The following YWHAB variants were observed in gnomAD, a reference collection of about 807,000 sequenced individuals.
The protein encoded by YWHAB is tyrosine 3-monooxygenase/tryptophan 5-monooxygenase activation protein beta.
YWHAB carries 2 observed loss-of-function variants against 28.5 expected under a neutral mutation model. That is an observed-to-expected ratio of 0.07 (90% confidence interval 0.03 to 0.22). The LOEUF is 0.22. Ranked by LOEUF, YWHAB falls within the 10% of genes least tolerant of loss-of-function variation. YWHAB has a pLI of 1.00. For missense variants in YWHAB, 148 were observed against 297.1 expected (o/e 0.50, Z 3.69); for synonymous variants, 103 against 104.7 (o/e 0.98, Z 0.10).
In YWHAB at chr20:44,901,746, A is replaced by G. The variant is rs1767637182; in HGVS notation, c.213A>G (p.Thr71=). Reference sequence around the variant, plus strand: ...TCATCTCCAGCATTGAGCAGAAAACAGAGAGGAATGAGAAGAAGCAGCAGA... The same window carrying G: ...TCATCTCCAGCATTGAGCAGAAAACGGAGAGGAATGAGAAGAAGCAGCAGA... ...WRVISSIEQK[T]ERNEKKQQMG... The change falls in exon 2 of 6, where the codon ACA becomes ACG. Residue 71 remains threonine (T), a synonymous_variant. Coordinates refer to ENST00000353703, the MANE Select transcript of YWHAB (RefSeq NM_139323.4). 1 of 1,613,956 alleles carries G rather than the reference A, an allele frequency of 6.2e-7. No individual in the cohort carries two copies. Among genetic ancestry groups the G allele is most frequent in the South Asian group, 1.1e-5 (1 of 91,082 alleles).
chr20:44,906,161 A>G (rs2066654849), intron 5 of YWHAB, 65 bp downstream of exon 5: 2 of 1,353,130 alleles, frequency 1.5e-6, no homozygotes, highest in African/African-American at 1.5e-5. Context: ...ATTCACTGTT[A>G]TCTTCAAGAG....
Position 44,906,594 on chromosome 20 carries a change from C to A in YWHAB, c.*156C>A, listed in dbSNP as rs1380132221. The A allele has an allele frequency of 2.8e-5, 15 of 542,418 alleles. No homozygotes were observed. The highest frequency in any genetic ancestry group is 3.4e-5 in the Non-Finnish European group (11 of 326,330). 33.6% of individuals were successfully genotyped at this position (542,418 alleles called of 1,614,324 possible). A position where few individuals can be genotyped will look rare whatever the true frequency, so the allele number is the denominator to read the frequency against. ...TAGGAAAAATGGTTCATGGGATAAACAGCTGGTATTTGTATCTAAAACTCA... is the reference window on the plus strand; with the variant it reads ...TAGGAAAAATGGTTCATGGGATAAAAAGCTGGTATTTGTATCTAAAACTCA... On this transcript the variant is annotated 3_prime_UTR_variant, in exon 6 of 6. Transcript: ENST00000353703.
In YWHAB at chr20:44,906,513, AAAAAAAAAAAAAAAG is replaced by A; in HGVS notation, c.*77_*91del. 2 of 1,168,402 alleles carry A rather than the reference AAAAAAAAAAAAAAAG, an allele frequency of 1.7e-6. No homozygotes were observed. Among genetic ancestry groups the A allele is most frequent in the Non-Finnish European group, 2.4e-6 (2 of 848,398 alleles). The allele number at this position is 1,168,402 out of a possible 1,614,324, so 72.4% of individuals were successfully genotyped here. A position where few individuals can be genotyped will look rare whatever the true frequency, so the allele number is the denominator to read the frequency against. On this transcript the variant is annotated 3_prime_UTR_variant, in exon 6 of 6. Coordinates refer to ENST00000353703, the MANE Select transcript of YWHAB (RefSeq NM_139323.4). ...TATATCCCTTGTGCGATAAAAAAAAAAAAAAAAAAAAAAAGAGAATCGTACGTCGACTTTCGATTT... is the reference window on the plus strand; with the variant it reads ...TATATCCCTTGTGCGATAAAAAAAAAAGAATCGTACGTCGACTTTCGATTT...
rs965708425 is a variant in YWHAB at position 44,906,574 on chromosome 20, A to T, written c.*136A>T. On this transcript the variant is annotated 3_prime_UTR_variant, in exon 6 of 6. Transcript: ENST00000353703. ...GATTTTTCACAGCCTCAGCCTAGGA[A>T]AAATGGTTCATGGGATAAACAGCTG... 7.0e-6 allele frequency: 5 copies of T among 712,422 alleles called. No individual in the cohort carries two copies. In the African/African-American group the frequency reaches 8.8e-5, roughly 13 times the overall value. The allele number at this position is 712,422 out of a possible 1,614,324, so 44.1% of individuals were successfully genotyped here.
chr20:44,905,225 T>TG (rs1328206265), intron 4 of YWHAB, 94 bp downstream of exon 4: 47 of 1,357,750 alleles, frequency 3.5e-5, no homozygotes, highest in Non-Finnish European at 4.5e-5. Context: ...TGTCTTGGAC[T>TG]TTTTTTGAAA....
At chr20:44,898,076 T>C (rs891036507) in intron 1 of YWHAB, among the ~76,000 whole-genome samples, 3 of 152,238 alleles carry the variant, frequency 2.0e-5, no homozygotes, top group South Asian at 4.1e-4. Flanking sequence ...TTTCTACTTA[T>C]CTTTCATTGG....
intron 1 of YWHAB, among the ~76,000 whole-genome samples, chr20:44,898,029 G>A (rs185769413): frequency 2.0e-5 from 3 of 152,268 alleles, no homozygotes; most frequent in East Asian, 1.9e-4. Flanking sequence ...GGAGGCACAC[G>A]TAGGATATTC....
chr20:44,903,876 G>T, intron 2 of YWHAB, 117 bp from the exon 3 acceptor site: 2 of 1,175,594 alleles, frequency 1.7e-6, no homozygotes, highest in Non-Finnish European at 2.4e-6. Flanking sequence ...TGAAAAATTG[G>T]TGTTTTTTTA....
At position 44,902,236 on chromosome 20, in the gene YWHAB, C is replaced by T. The variant is rs117804238; in HGVS notation, c.300+403C>T. The T allele has an allele frequency of 1.1e-4, 18 of 160,654 alleles. No individual in the cohort carries two copies. In the East Asian group the frequency reaches 3.1e-3, roughly 27 times the overall value. The allele number at this position is 160,654 out of a possible 1,614,324, so 10.0% of individuals were successfully genotyped here. A position where few individuals can be genotyped will look rare whatever the true frequency, so the allele number is the denominator to read the frequency against. ...AAAAAGCTGAGCTGCCTTTCAGCCT[C>T]TCCCCAGTCATGCCTTCACACTGTA... is the stretch of plus-strand genomic sequence containing the variant. On this transcript the variant is annotated intron_variant, in intron 2 of 5. Coordinates refer to ENST00000353703, the MANE Select transcript of YWHAB (RefSeq NM_139323.4).
At chr20:44,899,702 C>T (rs2066615844) in intron 1 of YWHAB, among the ~76,000 whole-genome samples, 1 of 152,208 alleles carries the variant, frequency 6.6e-6, no homozygotes. Flanking sequence ...TTACCGCACT[C>T]TGTAAATGGT....
At chr20:44,892,776 T>A (rs145284800) in intron 1 of YWHAB, among the ~76,000 whole-genome samples, 1 of 152,244 alleles carries the variant, frequency 6.6e-6, no homozygotes, top group Non-Finnish European at 1.5e-5. Context: ...TAAGTTATAA[T>A]GTGGAAATGT....
chr20:44,895,147 C>T (rs1184729053), intron 1 of YWHAB, among the ~76,000 whole-genome samples: 1 of 152,098 alleles, frequency 6.6e-6, no homozygotes, highest in Non-Finnish European at 1.5e-5. Context: ...CTAGGGCAGT[C>T]AGGGAAGGGT....
chr20:44,893,871 A>G (rs1245526371), intron 1 of YWHAB, among the ~76,000 whole-genome samples: 2 of 151,278 alleles, frequency 1.3e-5, no homozygotes, highest in Non-Finnish European at 2.9e-5. Flanking sequence ...ATTTTTTTGT[A>G]TTTTTAGTAG....
At chr20:44,895,256 TG>T (rs1444053808) in intron 1 of YWHAB, among the ~76,000 whole-genome samples, 1 of 152,150 alleles carries the variant, frequency 6.6e-6, no homozygotes, top group African/African-American at 2.4e-5. Context: ...CAGACACGTT[TG>T]AGCATTGTGT....
At chr20:44,889,141 G>T (rs1292571525) in intron 1 of YWHAB, among the ~76,000 whole-genome samples, 1 of 152,102 alleles carries the variant, frequency 6.6e-6, no homozygotes, top group Non-Finnish European at 1.5e-5. Context: ...AGAAATTATG[G>T]TTACATAATA....
At chr20:44,905,793 C>T in intron 4 of YWHAB, 1 of 493,630 alleles carries the variant, frequency 2.0e-6, no homozygotes, top group Non-Finnish European at 3.6e-6. Flanking sequence ...AAAGTTCTTA[C>T]CTTGGAGTTT....
intron 4 of YWHAB, 147 bp from the exon 5 acceptor site, chr20:44,905,854 A>G (rs535450863): frequency 3.2e-6 from 2 of 618,804 alleles, no homozygotes; most frequent in East Asian, 5.1e-5. Flanking sequence ...TTCTGCTGGA[A>G]ACAGCTAACA....
chr20:44,906,504 T>TAA lies in YWHAB; in HGVS notation c.*88_*89dup, dbSNP rs775632748. 4.0e-3 allele frequency: 1,427 copies of TAA among 356,664 alleles called. 1 individual carries two copies. Among genetic ancestry groups the TAA allele is most frequent in the East Asian group, 6.4e-3 (81 of 12,686 alleles). The allele number at this position is 356,664 out of a possible 1,614,324, so 22.1% of individuals were successfully genotyped here. A position where few individuals can be genotyped will look rare whatever the true frequency, so the allele number is the denominator to read the frequency against. Reference sequence around the variant, plus strand: ...CCCTCAACATATATCCCTTGTGCGATAAAAAAAAAAAAAAAAAAAAAAAGA... The same window carrying TAA: ...CCCTCAACATATATCCCTTGTGCGATAAAAAAAAAAAAAAAAAAAAAAAAAGA... On this transcript the variant is annotated 3_prime_UTR_variant, in exon 6 of 6. Coordinates refer to ENST00000353703, the MANE Select transcript of YWHAB (RefSeq NM_139323.4).
intron 3 of YWHAB, 77 bp downstream of exon 3, chr20:44,904,193 T>C: frequency 6.3e-7 from 1 of 1,580,424 alleles, no homozygotes; most frequent in East Asian, 2.3e-5. Flanking sequence ...TAACGATTTT[T>C]GCTTTGTTCG....
Sources: gnomAD v4.1 joint callset for allele counts (sites outside exome capture counted in the v4.1 genomes callset) on GRCh38, gnomAD v4.1.1 for gene constraint, MANE v1.5 for transcripts, NCBI Gene and HGNC (gene_info 2026-07-23, HGNC 2026-07-21) for gene names.